The following CFAP61 variants were observed in gnomAD, a reference collection of about 807,000 sequenced individuals.
CFAP61 encodes cilia- and flagella-associated protein 61.
Under a neutral mutation model 135.6 loss-of-function variants are expected in CFAP61, and 107 were observed. The observed-to-expected ratio is 0.79, with a 90% CI of 0.67 to 0.93. The LOEUF (loss-of-function observed/expected upper bound fraction) is 0.93. Ranked by LOEUF, CFAP61 falls within the 40% of genes least tolerant of loss-of-function variation. CFAP61 has a pLI of 0.00. For synonymous variants in CFAP61, 575 were observed against 578.5 expected (o/e 0.99, Z 0.09); for missense variants, 1,507 against 1,556.2 (o/e 0.97, Z 0.53).
At chr20:20,133,001 T>C (rs192098136) in intron 8 of CFAP61, among the ~76,000 whole-genome samples, 16 of 152,328 alleles carry the variant, frequency 1.1e-4, no homozygotes, top group East Asian at 3.9e-4. Flanking sequence ...AATGTTCTTA[T>C]GGGTTTTTAT....
At chr20:20,093,316 G>A (rs1023901530) in intron 7 of CFAP61, among the ~76,000 whole-genome samples, 4 of 152,120 alleles carry the variant, frequency 2.6e-5, no homozygotes, top group Non-Finnish European at 5.9e-5. Flanking sequence ...GGAAGGAGAA[G>A]TGACTAATAT....
chr20:20,190,575 C>T (rs1017349704), intron 14 of CFAP61, among the ~76,000 whole-genome samples: 8 of 152,050 alleles, frequency 5.3e-5, no homozygotes, highest in Non-Finnish European at 1.2e-4. Flanking sequence ...TCATGTGAAA[C>T]TTCATACACC....
chr20:20,209,781 A>G (rs2047500060), intron 17 of CFAP61, among the ~76,000 whole-genome samples: 1 of 152,204 alleles, frequency 6.6e-6, no homozygotes, highest in Non-Finnish European at 1.5e-5. Flanking sequence ...GCTCATGGAC[A>G]TGGAATGTCA....
Position 20,277,315 on chromosome 20 carries a change from G to C in CFAP61, c.2653G>C (p.Ala885Pro), listed in dbSNP as rs562230972. 16 of 1,614,152 alleles carry C rather than the reference G, an allele frequency of 9.9e-6. No individual in the cohort carries two copies. The highest frequency in any genetic ancestry group is 1.6e-4 in the Middle Eastern group (1 of 6,062). The change falls in exon 22 of 27, where the codon GCC (alanine) becomes CCC (proline). Residue 885 changes from alanine (A) to proline (P), a missense_variant. Coordinates refer to ENST00000245957, the MANE Select transcript of CFAP61 (RefSeq NM_015585.4). ...CATCAACAACTACTCGGTGGAGAGC[G>C]CCGTGGCGGACGCGCTAGGAGCCGC... ...TCINNYSVES[A>P]VADALGAAGV...
At chr20:20,264,107 A>C (rs1004821509) in intron 21 of CFAP61, among the ~76,000 whole-genome samples, 5 of 152,176 alleles carry the variant, frequency 3.3e-5, no homozygotes, top group African/African-American at 1.2e-4. Context: ...TTACTAATTT[A>C]CTACATTCAA....
intron 8 of CFAP61, among the ~76,000 whole-genome samples, chr20:20,116,580 T>C (rs115193297): frequency 0.011 from 1,676 of 152,254 alleles, 31 homozygotes; most frequent in African/African-American, 0.039. Context: ...AGATTTAAGA[T>C]TTTCATCCAT....
rs183147482 is a variant in CFAP61 at position 20,164,457 on chromosome 20, A to G, written c.1205+229A>G. Among the ~76,000 whole-genome samples, 68 of 152,346 alleles carry G rather than the reference A, an allele frequency of 4.5e-4. 3 individuals are homozygous for G. In the South Asian group the frequency reaches 9.7e-3, roughly 22 times the overall value. ...AGAAATCTGGCCTACCTATGTAACA[A>G]TTGGGAATCTGGAAAATTATCACTT... On this transcript the variant is annotated intron_variant, in intron 11 of 26. Coordinates refer to ENST00000245957, the MANE Select transcript of CFAP61 (RefSeq NM_015585.4).
chr20:20,325,785 C>T (rs1261804296), intron 25 of CFAP61, among the ~76,000 whole-genome samples: 2 of 152,222 alleles, frequency 1.3e-5, no homozygotes, highest in East Asian at 1.9e-4. Context: ...AAGAAACCAC[C>T]GAACTGTCTT....
intron 25 of CFAP61, among the ~76,000 whole-genome samples, chr20:20,329,631 A>G (rs1413485313): frequency 6.6e-6 from 1 of 152,148 alleles, no homozygotes; most frequent in East Asian, 1.9e-4. Context: ...ATGGCTTTCC[A>G]TCACTTGGGA....
intron 13 of CFAP61, among the ~76,000 whole-genome samples, chr20:20,176,136 T>C (rs2054610286): frequency 3.9e-5 from 1 of 25,956 alleles, no homozygotes; most frequent in South Asian, 9.5e-4. Context: ...GAAATGCAAA[T>C]CAAAAACCAC....
chr20:20,116,853 C>A (rs1275940620), intron 8 of CFAP61, among the ~76,000 whole-genome samples: 1 of 151,974 alleles, frequency 6.6e-6, no homozygotes, highest in Non-Finnish European at 1.5e-5. Context: ...ACATTTGATA[C>A]TTGTTTTTTT....
intron 9 of CFAP61, among the ~76,000 whole-genome samples, chr20:20,154,206 T>C (rs2052688878): frequency 6.6e-6 from 1 of 151,950 alleles, no homozygotes; most frequent in Non-Finnish European, 1.5e-5. Context: ...AGGACATACC[T>C]CAAGTAATAA....
intron 6 of CFAP61, among the ~76,000 whole-genome samples, chr20:20,083,322 T>C (rs2046561503): frequency 6.9e-6 from 1 of 144,322 alleles, no homozygotes; most frequent in Non-Finnish European, 1.5e-5. Context: ...AGTGACATAG[T>C]GGACCGTGGG....
intron 22 of CFAP61, among the ~76,000 whole-genome samples, chr20:20,284,006 G>A (rs908582208): frequency 6.6e-6 from 1 of 152,148 alleles, no homozygotes; most frequent in East Asian, 1.9e-4. Flanking sequence ...TTAAGGAAGA[G>A]GTGGAATCTT....
rs759615500 is a variant in CFAP61 at position 20,228,220 on chromosome 20, CCTT to C, written c.1933-25_1933-23del. 6.3e-6 allele frequency: 10 copies of C among 1,585,552 alleles called. No homozygotes were observed. In the East Asian group the frequency reaches 1.4e-4, roughly 21 times the overall value. On this transcript the variant is annotated intron_variant, in intron 17 of 26. Coordinates refer to ENST00000245957, the MANE Select transcript of CFAP61 (RefSeq NM_015585.4). ...GAACACTGCTACGTTTTCTTTGACT[CCTT>C]CTTTGTCTTCGTATTTTTTTTCCAG...
chr20:20,323,085 A>T (rs867974621), intron 25 of CFAP61: 1 of 985,344 alleles, frequency 1.0e-6, no homozygotes, highest in Middle Eastern at 5.2e-4. Context: ...CCTGGGGCCT[A>T]GCCCCATACC....
At chr20:20,286,196 A>G (rs112530762) in intron 22 of CFAP61, among the ~76,000 whole-genome samples, 120 of 152,334 alleles carry the variant, frequency 7.9e-4, no homozygotes, top group African/African-American at 2.8e-3. Context: ...CCACCAAGGC[A>G]GAAGCAGAAC....
chr20:20,272,790 C>G (rs935661071), intron 21 of CFAP61, among the ~76,000 whole-genome samples: 2 of 152,154 alleles, frequency 1.3e-5, no homozygotes, highest in African/African-American at 2.4e-5. Flanking sequence ...GTCTCTGCCC[C>G]CCTTTCTTTC....
intron 22 of CFAP61, among the ~76,000 whole-genome samples, chr20:20,279,838 A>T (rs1316219468): frequency 6.6e-6 from 1 of 152,128 alleles, no homozygotes; most frequent in African/African-American, 2.4e-5. Flanking sequence ...AGGTTCCATT[A>T]TTCTCTGATT....
Sources: allele counts gnomAD v4.1 joint callset (sites outside exome capture counted in the v4.1 genomes callset), GRCh38; gene constraint gnomAD v4.1.1; transcripts MANE v1.5; gene names NCBI Gene and HGNC (gene_info 2026-07-23, HGNC 2026-07-21).